The following CSNK1G3 variants were observed in gnomAD, a reference collection of about 807,000 sequenced individuals.
CSNK1G3 encodes the protein casein kinase I isoform gamma-3.
A neutral mutation model predicts 64.3 loss-of-function variants in CSNK1G3; 23 were observed. The observed-to-expected ratio is 0.36, with a 90% CI of 0.26 to 0.51. The LOEUF (loss-of-function observed/expected upper bound fraction) is 0.51. Among genes scored for constraint, CSNK1G3 ranks in the 20% least tolerant of loss-of-function variants. CSNK1G3 has a pLI of 0.96. For synonymous variants in CSNK1G3, 158 were observed against 162.2 expected (o/e 0.97, Z 0.20); for missense variants, 357 against 510.5 (o/e 0.70, Z 2.90).
chr5:123,573,557 TA>T lies in CSNK1G3; in HGVS notation c.438+17del. ...TATACAACTGGTAAGTAAAATAAGG[TA>T]TTTGAAGTTGTTTGAACAATTACAT... On this transcript the variant is annotated intron_variant, in intron 5 of 12. Coordinates refer to ENST00000345990, the Ensembl canonical transcript of CSNK1G3. 6.4e-7 allele frequency: 1 copy of T among 1,572,090 alleles called. No homozygotes were observed. The highest frequency in any genetic ancestry group is 1.4e-5 in the African/African-American group (1 of 72,894).
intron 1 of CSNK1G3, among the ~76,000 whole-genome samples, chr5:123,543,466 G>A (rs757907811): frequency 1.4e-4 from 22 of 151,944 alleles, no homozygotes; most frequent in Non-Finnish European, 2.5e-4. Flanking sequence ...CTATTCCCTT[G>A]TACACATGTA....
exon 11 of CSNK1G3, chr5:123,604,727 G>C (rs1340483458): frequency 1.2e-6 from 2 of 1,607,640 alleles, no homozygotes; most frequent in South Asian, 2.2e-5. Flanking sequence ...CAAACAGGTT[G>C]TAAGTTCTAC....
chr5:123,548,973 C>T (rs570779578), intron 2 of CSNK1G3, among the ~76,000 whole-genome samples: 4 of 152,334 alleles, frequency 2.6e-5, no homozygotes, highest in Middle Eastern at 3.4e-3. Flanking sequence ...TGACTGAGAG[C>T]GGCAGCTCAC....
At chr5:123,525,056 G>T (rs1041579556) in intron 1 of CSNK1G3, among the ~76,000 whole-genome samples, 1 of 152,128 alleles carries the variant, frequency 6.6e-6, no homozygotes, top group Non-Finnish European at 1.5e-5. Flanking sequence ...CTTTGTGCTC[G>T]GAAAGCACTA....
chr5:123,514,979 A>G (rs1055698291), intron 1 of CSNK1G3, among the ~76,000 whole-genome samples: 1 of 152,214 alleles, frequency 6.6e-6, no homozygotes, highest in African/African-American at 2.4e-5. Flanking sequence ...GAAACAAGTT[A>G]TAATAAAATA....
intron 1 of CSNK1G3, among the ~76,000 whole-genome samples, chr5:123,518,536 ATCTC>A (rs1169100890): frequency 6.6e-6 from 1 of 151,982 alleles, no homozygotes; most frequent in Non-Finnish European, 1.5e-5. Context: ...GATGGAATGG[ATCTC>A]TCTCTCTCTT....
intron 2 of CSNK1G3, among the ~76,000 whole-genome samples, chr5:123,552,792 C>T (rs1783941280): frequency 6.6e-6 from 1 of 152,050 alleles, no homozygotes. Context: ...AATTTTTTGA[C>T]CATGCATTTG....
intron 2 of CSNK1G3, among the ~76,000 whole-genome samples, chr5:123,551,366 A>G (rs1260288428): frequency 6.6e-6 from 1 of 151,970 alleles, no homozygotes; most frequent in Non-Finnish European, 1.5e-5. Flanking sequence ...AATATGAAAT[A>G]TTCCGTAATT....
At chr5:123,598,393 C>G (rs1028801045) in intron 10 of CSNK1G3, among the ~76,000 whole-genome samples, 3 of 152,064 alleles carry the variant, frequency 2.0e-5, no homozygotes, top group African/African-American at 7.2e-5. Context: ...AGAAGTCAGT[C>G]AAGGAGGCTG....
chr5:123,594,739 C>T (rs911018242), intron 10 of CSNK1G3, among the ~76,000 whole-genome samples: 2 of 152,088 alleles, frequency 1.3e-5, no homozygotes, highest in Non-Finnish European at 2.9e-5. Context: ...TTTTACCTTT[C>T]TGGTTCTTTA....
rs193076056 is a variant in CSNK1G3, at chr5:123,580,137, A to G, written c.673+4174A>G. ...TTTAATGTGATTTTAATTTGTGCGT[A>G]TCTTATTTCTGCCCTCCCTGCTTTG... On this transcript the variant is annotated intron_variant, in intron 6 of 12. Transcript: ENST00000345990. Among the ~76,000 whole-genome samples the G allele has an allele frequency of 2.9e-3, 443 of 152,006 alleles. 5 individuals carry two copies. Among genetic ancestry groups the G allele is most frequent in the Admixed American group, 4.4e-3 (67 of 15,260 alleles).
intron 1 of CSNK1G3, among the ~76,000 whole-genome samples, chr5:123,528,817 AT>A (rs1324979665): frequency 1.3e-5 from 2 of 152,132 alleles, no homozygotes; most frequent in African/African-American, 4.8e-5. Context: ...TAGATTCCAT[AT>A]TTGTAAATTT....
intron 1 of CSNK1G3, among the ~76,000 whole-genome samples, chr5:123,521,641 T>TGTTTAAAAATTTCCA (rs1442384241): frequency 6.6e-6 from 1 of 152,196 alleles, no homozygotes; most frequent in Non-Finnish European, 1.5e-5. Flanking sequence ...TATACACACT[T>TGTTTAAAAATTTCCA]GTTTAAAAAT....
intron 1 of CSNK1G3, among the ~76,000 whole-genome samples, chr5:123,544,820 C>T (rs937092635): frequency 5.9e-5 from 9 of 152,046 alleles, no homozygotes; most frequent in African/African-American, 2.2e-4. Flanking sequence ...GTTTTTAAGG[C>T]CCACGTTAAA....
At chr5:123,542,957 T>G (rs1781924947) in intron 1 of CSNK1G3, among the ~76,000 whole-genome samples, 1 of 151,530 alleles carries the variant, frequency 6.6e-6, no homozygotes, top group South Asian at 2.1e-4. Context: ...TTTCTCTGGT[T>G]AAATAGGACT....
chr5:123,580,927 CTAAGTGG>C (rs531093267), intron 6 of CSNK1G3, among the ~76,000 whole-genome samples: 25 of 151,906 alleles, frequency 1.6e-4, no homozygotes, highest in African/African-American at 6.0e-4. Context: ...TTTCAAGCTT[CTAAGTGG>C]TAAGTTCTCT....
At chr5:123,567,380 C>T (rs1787124106) in intron 4 of CSNK1G3, among the ~76,000 whole-genome samples, 1 of 152,054 alleles carries the variant, frequency 6.6e-6, no homozygotes, top group Non-Finnish European at 1.5e-5. Flanking sequence ...GTGGGTGGAT[C>T]ACTTGAGGTC....
intron 3 of CSNK1G3, 50 bp from the exon 4 acceptor site, chr5:123,557,445 A>C (rs774510089): frequency 7.3e-7 from 1 of 1,362,642 alleles, no homozygotes; most frequent in Non-Finnish European, 1.0e-6. Flanking sequence ...GTTGGGACCT[A>C]GTGCTCTTTT....
intron 6 of CSNK1G3, among the ~76,000 whole-genome samples, chr5:123,576,710 C>T (rs960411138): frequency 1.3e-5 from 2 of 152,038 alleles, no homozygotes; most frequent in African/African-American, 4.8e-5. Context: ...ATTTTGAGCA[C>T]AAATATCACA....
Sources: gnomAD v4.1 joint callset for allele counts (sites outside exome capture counted in the v4.1 genomes callset) on GRCh38, gnomAD v4.1.1 for gene constraint, MANE v1.5 for transcripts, NCBI Gene and HGNC (gene_info 2026-07-23, HGNC 2026-07-21) for gene names.